The following ABLIM1 variants were observed in gnomAD, a reference collection of about 807,000 sequenced individuals.
ABLIM1 encodes the protein actin-binding LIM protein 1.
Under a neutral mutation model 107.0 loss-of-function variants are expected in ABLIM1, and 40 were observed. The observed-to-expected ratio is 0.37, with a 90% confidence interval of 0.29 to 0.49. The LOEUF is 0.49. ABLIM1 is among the 20% of genes least tolerant of loss of function. ABLIM1 has a pLI of 0.97. For synonymous variants in ABLIM1, 357 were observed against 357.3 expected, an observed-to-expected ratio of 1.00 and a Z score of 0.01; for missense variants, 857 against 1,008.5, an observed-to-expected ratio of 0.85 and a Z score of 2.04.
At chr10:114,591,581 T>A (rs1459243149) in intron 2 of ABLIM1, among the ~76,000 whole-genome samples, 1 of 152,148 alleles carries the variant, frequency 6.6e-6, no homozygotes, top group African/African-American at 2.4e-5. Context: ...AAAGAGAGAA[T>A]ACTTTCTCAC....
At position 114,473,861 on chromosome 10, in the gene ABLIM1, C is replaced by A; in HGVS notation, c.1119+18G>T. 1 of 1,590,716 alleles carries A rather than the reference C, an allele frequency of 6.3e-7. No homozygotes were observed. Among genetic ancestry groups the A allele is most frequent in the Non-Finnish European group, 8.6e-7 (1 of 1,161,546 alleles). ...TTTACCTGTCCCAGAAATGTCACTT[C>A]CAGAAGTAGATACTTACATAGATAG... On this transcript the variant is annotated intron_variant, in intron 9 of 22. Coordinates refer to ENST00000533213, the MANE Select transcript of ABLIM1 (RefSeq NM_002313.7).
At chr10:114,768,421 C>T (rs2082959149), upstream of ABLIM1, among the ~76,000 whole-genome samples, 1 of 151,666 alleles carries the variant, frequency 6.6e-6, no homozygotes, top group East Asian at 1.9e-4. Flanking sequence ...GCGTCCTCCC[C>T]TCTCCCCGCC....
At chr10:114,683,598 G>A (rs527485882) in intron 1 of ABLIM1, among the ~76,000 whole-genome samples, 124 of 152,248 alleles carry the variant, frequency 8.1e-4, no homozygotes, top group Admixed American at 3.0e-3. Flanking sequence ...AGGAGGGAGG[G>A]GGCCCAGCCT....
intron 2 of ABLIM1, among the ~76,000 whole-genome samples, chr10:114,595,505 A>G (rs1481545219): frequency 6.6e-6 from 1 of 152,252 alleles, no homozygotes; most frequent in African/African-American, 2.4e-5. Flanking sequence ...CAGAATGAAC[A>G]GATCACATTA....
chr10:114,473,750 G>A, intron 9 of ABLIM1, 129 bp downstream of exon 9: 1 of 669,466 alleles, frequency 1.5e-6, no homozygotes. Flanking sequence ...CTACAAAAAT[G>A]AAAATCAGGT....
At chr10:114,656,734 A>G (rs1263152590) in intron 1 of ABLIM1, among the ~76,000 whole-genome samples, 3 of 152,244 alleles carry the variant, frequency 2.0e-5, no homozygotes, top group Non-Finnish European at 4.4e-5. Context: ...GTGAAATAGT[A>G]TTTGGCCATA....
At chr10:114,552,688 T>A (rs1272547457) in intron 4 of ABLIM1, among the ~76,000 whole-genome samples, 1 of 152,244 alleles carries the variant, frequency 6.6e-6, no homozygotes, top group Non-Finnish European at 1.5e-5. Context: ...ATAGGGATAT[T>A]GCCTGTCACT....
upstream of ABLIM1, among the ~76,000 whole-genome samples, chr10:114,686,317 T>C (rs2080934085): frequency 6.6e-6 from 1 of 151,874 alleles, no homozygotes; most frequent in Non-Finnish European, 1.5e-5. Flanking sequence ...CAGACCAGCC[T>C]GGAAAGTATT....
upstream of ABLIM1, among the ~76,000 whole-genome samples, chr10:114,688,698 G>A (rs1591828574): frequency 6.6e-6 from 1 of 152,312 alleles, no homozygotes; most frequent in African/African-American, 2.4e-5. Flanking sequence ...CGCTAACAAG[G>A]AGTACAGTTG....
rs141835986 is a variant in ABLIM1 at position 114,435,482 on chromosome 10, G to C, written c.*778C>G. On this transcript the variant is annotated 3_prime_UTR_variant, in exon 23 of 23. Transcript: ENST00000533213. ...CTTTGCAAAGGTGGAGCTCCAGACAGCTCCTGTCCTAGGCGGGGAGCAGGA... is the reference window on the plus strand; with the variant it reads ...CTTTGCAAAGGTGGAGCTCCAGACACCTCCTGTCCTAGGCGGGGAGCAGGA... The C allele has an allele frequency of 6.6e-6, 1 of 152,348 alleles. No individual in the cohort carries two copies. The highest frequency in any genetic ancestry group is 2.4e-5 in the African/African-American group (1 of 41,562). The allele number at this position is 152,348 out of a possible 1,614,324, so 9.4% of individuals were successfully genotyped here. A position where few individuals can be genotyped will look rare whatever the true frequency, so the allele number is the denominator to read the frequency against.
chr10:114,497,169 G>A (rs2059771840), intron 6 of ABLIM1, among the ~76,000 whole-genome samples: 1 of 152,206 alleles, frequency 6.6e-6, no homozygotes, highest in African/African-American at 2.4e-5. Flanking sequence ...CTGCAGAGAG[G>A]ATGCTGTTGA....
chr10:114,705,490 G>T (rs1180391216), intron 1 of ABLIM1, among the ~76,000 whole-genome samples: 1 of 152,144 alleles, frequency 6.6e-6, no homozygotes, highest in Non-Finnish European at 1.5e-5. Flanking sequence ...TGGAGGGGAT[G>T]TTCTGAAAGC....
chr10:114,592,584 G>A (rs557951209), intron 2 of ABLIM1, among the ~76,000 whole-genome samples: 1 of 152,186 alleles, frequency 6.6e-6, no homozygotes, highest in East Asian at 1.9e-4. Flanking sequence ...GGGAAAAGTG[G>A]GGTGGGACTG....
intron 1 of ABLIM1, among the ~76,000 whole-genome samples, chr10:114,622,111 G>T (rs1278606993): frequency 2.0e-5 from 3 of 152,176 alleles, no homozygotes; most frequent in Non-Finnish European, 4.4e-5. Context: ...ACTATGAGAT[G>T]GTCCATGGAC....
chr10:114,450,735 C>G (rs1320812129), intron 14 of ABLIM1, among the ~76,000 whole-genome samples: 1 of 152,242 alleles, frequency 6.6e-6, no homozygotes, highest in African/African-American at 2.4e-5. Context: ...AGCCACTGCA[C>G]CTGGCCTCAT....
At chr10:114,784,402 C>G in the ABLIM1 span, among the ~76,000 whole-genome samples, 1 of 147,876 alleles carries the variant, frequency 6.8e-6, no homozygotes, top group African/African-American at 2.6e-5. Context: ...TGGTAGCTCA[C>G]GCCTGTAATC....
intron 6 of ABLIM1, among the ~76,000 whole-genome samples, chr10:114,530,923 A>T (rs1003231984): frequency 6.6e-6 from 1 of 152,250 alleles, no homozygotes; most frequent in African/African-American, 2.4e-5. Flanking sequence ...CATGGCAAAA[A>T]TTCACCACGG....
chr10:114,581,303 C>T (rs1423995325), intron 2 of ABLIM1, among the ~76,000 whole-genome samples: 1 of 152,186 alleles, frequency 6.6e-6, no homozygotes, highest in Non-Finnish European at 1.5e-5. Context: ...ATTTTAATGG[C>T]ATGAACAGGG....
chr10:114,501,009 G>A (rs2041298290), intron 6 of ABLIM1, among the ~76,000 whole-genome samples: 1 of 152,162 alleles, frequency 6.6e-6, no homozygotes, highest in South Asian at 2.1e-4. Flanking sequence ...GAATTAATAT[G>A]CCAACAGAAA....
Sources: gnomAD v4.1 joint callset for allele counts (sites outside exome capture counted in the v4.1 genomes callset) on GRCh38, gnomAD v4.1.1 for gene constraint, MANE v1.5 for transcripts, NCBI Gene and HGNC (gene_info 2026-07-23, HGNC 2026-07-21) for gene names.